The following THEMIS variants were observed in gnomAD, a reference collection of about 807,000 sequenced individuals.
THEMIS encodes protein THEMIS.
Under a neutral mutation model 52.6 loss-of-function variants are expected in THEMIS, and 37 were observed. The observed-to-expected ratio is 0.70, with a 90% CI of 0.54 to 0.93. The LOEUF (loss-of-function observed/expected upper bound fraction) is 0.93, where lower values mean the gene tolerates loss of function less well. THEMIS is among the 40% of genes least tolerant of loss of function. The pLI, the probability that THEMIS is intolerant of heterozygous loss-of-function variation, is 0.00. For synonymous variants in THEMIS, 292 were observed against 272.7 expected (o/e 1.07, Z -0.70); for missense variants, 808 against 763.1 (o/e 1.06, Z -0.69).
At chr6:127,752,770 C>A (rs1045979916) in intron 4 of THEMIS, among the ~76,000 whole-genome samples, 1 of 151,856 alleles carries the variant, frequency 6.6e-6, no homozygotes, top group Admixed American at 6.6e-5. Flanking sequence ...AACACCAATT[C>A]TTCTCAAACT....
rs757020706 is a variant in THEMIS at position 127,829,582 on chromosome 6, G to C, written c.603C>G (p.Asn201Lys). Reference sequence around the variant, plus strand: ...CCCACTTATTTGAAAAATCTGTAAGGTTTACAGTTCTTGTTCTGTTCTTAG... The same window carrying C: ...CCCACTTATTTGAAAAATCTGTAAGCTTTACAGTTCTTGTTCTGTTCTTAG... The part of the protein sequence containing the change: ...KIPKNRTRTV[N>K]LTDFSNKWDS... Residue 201 changes from asparagine (N) to lysine (K), a missense_variant, in exon 3 of 6, where the codon AAC becomes AAG. Transcript: ENST00000368248. 3.1e-6 allele frequency: 5 copies of C among 1,613,994 alleles called. No individual in the cohort carries two copies. In the Admixed American group the frequency reaches 5.0e-5, roughly 16 times the overall value.
chr6:127,756,807 A>G (rs1362319428), intron 4 of THEMIS, among the ~76,000 whole-genome samples: 1 of 152,244 alleles, frequency 6.6e-6, no homozygotes, highest in East Asian at 1.9e-4. Flanking sequence ...AAAAAATGCT[A>G]CCACAATTAA....
At chr6:127,880,111 T>C (rs1435159679) in intron 1 of THEMIS, among the ~76,000 whole-genome samples, 1 of 152,162 alleles carries the variant, frequency 6.6e-6, no homozygotes, top group African/African-American at 2.4e-5. Context: ...AATGAAAAAT[T>C]TGATGGCTGG....
downstream of THEMIS, among the ~76,000 whole-genome samples, chr6:127,703,520 A>G (rs921173597): frequency 2.0e-5 from 3 of 152,104 alleles, no homozygotes; most frequent in Admixed American, 6.5e-5. Flanking sequence ...GTACCCAATC[A>G]TTGCACTGTT....
chr6:127,816,661 T>C (rs113432375), intron 3 of THEMIS, among the ~76,000 whole-genome samples: 1 of 152,310 alleles, frequency 6.6e-6, no homozygotes, highest in East Asian at 1.9e-4. Context: ...CTAACCGGTA[T>C]CCTTGCAGTC....
Position 127,767,459 on chromosome 6 carries a change from T to G in THEMIS, c.1758+45424A>C, listed in dbSNP as rs1658981406. On this transcript the variant is annotated intron_variant, in intron 4 of 5. Coordinates refer to ENST00000368248, the MANE Select transcript of THEMIS (RefSeq NM_001010923.3). ...ATGTTTAAAATTTTTATTTTTATTT[T>G]TACTTTTACTATTTAACTAAGACCC... Among the ~76,000 whole-genome samples the G allele has an allele frequency of 2.0e-5, 3 of 152,122 alleles. No homozygotes were observed. The East Asian group carries it at 5.8e-4, about 29-fold the overall frequency.
At chr6:127,736,356 G>A (rs1166103886) in intron 4 of THEMIS, among the ~76,000 whole-genome samples, 4 of 152,076 alleles carry the variant, frequency 2.6e-5, no homozygotes, top group Non-Finnish European at 5.9e-5. Context: ...TATAGCATCT[G>A]AAACTCTGCA....
intron 4 of THEMIS, among the ~76,000 whole-genome samples, chr6:127,785,118 T>C (rs1359614711): frequency 6.6e-6 from 1 of 151,852 alleles, no homozygotes; most frequent in African/African-American, 2.4e-5. Flanking sequence ...ACCTACCTAA[T>C]CTATTATCTA....
chr6:127,737,171 T>G (rs1323452382), intron 4 of THEMIS, among the ~76,000 whole-genome samples: 1 of 152,212 alleles, frequency 6.6e-6, no homozygotes, highest in East Asian at 1.9e-4. Context: ...TAGCTACTCC[T>G]GGCTGAGGAA....
intron 5 of THEMIS, among the ~76,000 whole-genome samples, chr6:127,718,604 G>GAAAT (rs1227612454): frequency 1.3e-5 from 2 of 151,900 alleles, no homozygotes; most frequent in Non-Finnish European, 2.9e-5. Flanking sequence ...AAGAAAGAAA[G>GAAAT]AAAAACAAGT....
chr6:127,862,076 G>A (rs1036664230), intron 1 of THEMIS, among the ~76,000 whole-genome samples: 1 of 152,052 alleles, frequency 6.6e-6, no homozygotes, highest in Non-Finnish European at 1.5e-5. Context: ...CACAGTCAAG[G>A]CAGGGAACAA....
At chr6:127,753,012 A>G (rs1412820152) in intron 4 of THEMIS, among the ~76,000 whole-genome samples, 8 of 152,016 alleles carry the variant, frequency 5.3e-5, no homozygotes, top group African/African-American at 1.9e-4. Context: ...GCTTCAACAT[A>G]TGCAAATCAA....
In THEMIS at chr6:127,862,041, A is replaced by G. The variant is rs9491882; in HGVS notation, c.92-6853T>C. ...CGGATAGTTTTGGAAGCACTTCCAG[A>G]AGGAATTAAGTGCAAACATATGATC... On this transcript the variant is annotated intron_variant, in intron 1 of 5. Transcript: ENST00000368248. Among the ~76,000 whole-genome samples, 273 of 152,278 alleles carry G rather than the reference A, an allele frequency of 1.8e-3. 4 individuals are homozygous for G. The highest frequency in any genetic ancestry group is 6.0e-3 in the African/African-American group (249 of 41,568).
intron 3 of THEMIS, among the ~76,000 whole-genome samples, chr6:127,821,414 C>G (rs993056813): frequency 1.3e-5 from 2 of 152,000 alleles, no homozygotes; most frequent in Non-Finnish European, 2.9e-5. Context: ...CCAAACTAAA[C>G]CAAAGTAAAA....
chr6:127,879,611 C>T (rs1250281176), intron 1 of THEMIS, among the ~76,000 whole-genome samples: 1 of 138,680 alleles, frequency 7.2e-6, no homozygotes, highest in African/African-American at 2.8e-5. Flanking sequence ...ATCTAGAATG[C>T]TGTGTCACTC....
chr6:127,795,575 G>A (rs59301673), intron 4 of THEMIS, among the ~76,000 whole-genome samples: 1,755 of 152,188 alleles, frequency 0.012, 20 homozygotes, highest in African/African-American at 0.039. Flanking sequence ...TGATCTGCCC[G>A]CCTCGGCCTC....
chr6:127,754,086 C>T (rs1023671495), intron 4 of THEMIS, among the ~76,000 whole-genome samples: 3 of 152,028 alleles, frequency 2.0e-5, no homozygotes, highest in Non-Finnish European at 4.4e-5. Context: ...GTCAATCATA[C>T]CTCAATAAAT....
chr6:127,854,040 G>GTCAT (rs958158071), intron 2 of THEMIS, among the ~76,000 whole-genome samples: 17 of 151,694 alleles, frequency 1.1e-4, no homozygotes, highest in African/African-American at 3.4e-4. Context: ...TCTTCCACTG[G>GTCAT]TCATTCATTC....
At chr6:127,719,987 C>G (rs1200408228) in intron 4 of THEMIS, among the ~76,000 whole-genome samples, 164 bp from the exon 5 acceptor site, 1 of 151,820 alleles carries the variant, frequency 6.6e-6, no homozygotes, top group Non-Finnish European at 1.5e-5. Context: ...ATTTTGGAAA[C>G]TGAGGTGTAC....
Sources: gnomAD v4.1 joint callset for allele counts (sites outside exome capture counted in the v4.1 genomes callset) on GRCh38, gnomAD v4.1.1 for gene constraint, MANE v1.5 for transcripts, NCBI Gene and HGNC (gene_info 2026-07-23, HGNC 2026-07-21) for gene names.